Variants in ABI3BP observed in about 807,000 individuals in gnomAD.
ABI3BP encodes target of Nesh-SH3.
ABI3BP carries 216 observed loss-of-function variants against 268.6 expected under a neutral mutation model. The observed-to-expected ratio is 0.80, with a 90% confidence interval of 0.72 to 0.90. The LOEUF (loss-of-function observed/expected upper bound fraction) is 0.90, where lower values mean the gene tolerates loss of function less well. Ranked by LOEUF, ABI3BP falls within the 40% of genes least tolerant of loss-of-function variation. The pLI, the probability that ABI3BP is intolerant of heterozygous loss-of-function variation, is 0.00. For missense variants in ABI3BP, 2,090 were observed against 2,182.4 expected (o/e 0.96, Z 0.84); for synonymous variants, 730 against 730.0 (o/e 1.00, Z 0.00).
chr3:100,966,386 A>C (rs1243793251), intron 1 of ABI3BP, among the ~76,000 whole-genome samples: 1 of 152,234 alleles, frequency 6.6e-6, no homozygotes, highest in Non-Finnish European at 1.5e-5. Context: ...AAGGCAAACT[A>C]TGGCCCATGG....
rs751620235 is a variant in ABI3BP at position 100,875,480 on chromosome 3, CTCGGCA to C, written c.817+22_817+27del. 3 of 1,495,680 alleles carry C rather than the reference CTCGGCA, an allele frequency of 2.0e-6. No individual in the cohort carries two copies. The South Asian group carries it at 3.4e-5, about 17-fold the overall frequency. The allele number at this position is 1,495,680 out of a possible 1,614,324, so 92.7% of individuals were successfully genotyped here. A position where few individuals can be genotyped will look rare whatever the true frequency, so the allele number is the denominator to read the frequency against. On this transcript the variant is annotated intron_variant, in intron 8 of 67. Transcript: ENST00000471714. ...CAAAAGATAGCCCGATTTGCTTAAT[CTCGGCA>C]TAGATTTCGAGATCCACTCACCTAG...
intron 26 of ABI3BP, 165 bp from the exon 27 acceptor site, chr3:100,837,336 A>C: frequency 4.1e-6 from 2 of 482,082 alleles, no homozygotes; most frequent in South Asian, 1.0e-4. Flanking sequence ...GCTTCTTAGC[A>C]AATTAAAATT....
intron 2 of ABI3BP, among the ~76,000 whole-genome samples, chr3:100,918,321 T>TGTCCACCC (rs995738427): frequency 2.1e-5 from 3 of 145,642 alleles, no homozygotes; most frequent in Non-Finnish European, 4.5e-5. Context: ...CCCGTCCACC[T>TGTCCACCC]GTCCACCCGT....
At chr3:100,974,289 A>C (rs975608231) in intron 1 of ABI3BP, among the ~76,000 whole-genome samples, 17 of 152,352 alleles carry the variant, frequency 1.1e-4, no homozygotes, top group Admixed American at 8.5e-4. Context: ...GTGTGTTCAC[A>C]CAAAGACCTA....
rs10717203 is a variant in ABI3BP at position 100,914,174 on chromosome 3, GA to G, written c.260-11489del. ...CTCAGAAAAAGTATGTTTTCATGTG[GA>G]AAAAAAAAACTTTTCCTTCTTTGCC... On this transcript the variant is annotated intron_variant, in intron 2 of 67. Transcript: ENST00000471714. 7.0e-3 allele frequency among the ~76,000 whole-genome samples: 1,045 copies of G among 148,454 alleles called. 10 individuals are homozygous for G. Among genetic ancestry groups the G allele is most frequent in the African/African-American group, 0.024 (960 of 40,576 alleles).
intron 63 of ABI3BP, among the ~76,000 whole-genome samples, chr3:100,763,820 CAA>C (rs767267398): frequency 5.3e-5 from 8 of 152,166 alleles, no homozygotes; most frequent in Non-Finnish European, 1.0e-4. Flanking sequence ...AAGACATGAA[CAA>C]AAAGTTATTT....
chr3:100,868,626 A>G (rs1157015298), intron 9 of ABI3BP, among the ~76,000 whole-genome samples: 4 of 152,252 alleles, frequency 2.6e-5, no homozygotes, highest in African/African-American at 9.6e-5. Flanking sequence ...ATAAAGGCAT[A>G]CAACAGATTT....
intron 62 of ABI3BP, among the ~76,000 whole-genome samples, chr3:100,769,852 G>A (rs1456328856): frequency 6.6e-6 from 1 of 152,186 alleles, no homozygotes; most frequent in Admixed American, 6.5e-5. Context: ...GGTAAAGAAA[G>A]CTAGTTAAGA....
At chr3:100,753,228 T>C (rs1297133343) in intron 65 of ABI3BP, among the ~76,000 whole-genome samples, 2 of 152,184 alleles carry the variant, frequency 1.3e-5, no homozygotes, top group African/African-American at 4.8e-5. Flanking sequence ...GGTTTCTTTT[T>C]TGTAGCATGT....
rs373245696 is a variant in ABI3BP at position 100,876,542 on chromosome 3, T to C, written c.715A>G (p.Lys239Glu). The change falls in exon 7 of 68, where the codon AAA becomes GAA. Residue 239 changes from lysine to glutamate, a missense_variant. By Grantham distance (56) the Lys-to-Glu change is moderately conservative (BLOSUM62 1). Transcript: ENST00000471714. ...TTGATGATTGTTATTGGGATTAGTT[T>C]CCTTGGGACATATGCTGGCTGCAAA... The part of the protein sequence containing the change: ...DHTVPAYVPR[K>E]LIPITIIKQV... The C allele has an allele frequency of 7.4e-5, 119 of 1,613,572 alleles. No homozygotes were observed. Among genetic ancestry groups the C allele is most frequent in the Middle Eastern group, 1.6e-4 (1 of 6,076 alleles).
At chr3:100,920,005 C>T (rs2059767182) in intron 2 of ABI3BP, among the ~76,000 whole-genome samples, 1 of 152,278 alleles carries the variant, frequency 6.6e-6, no homozygotes, top group South Asian at 2.1e-4. Context: ...TATGCATCAG[C>T]TACTGTGCCA....
intron 51 of ABI3BP, among the ~76,000 whole-genome samples, chr3:100,803,938 C>T (rs544580519): frequency 4.6e-4 from 70 of 152,276 alleles, no homozygotes; most frequent in Non-Finnish European, 6.8e-4. Context: ...AGGCTTGCTT[C>T]CAAAATGCTA....
chr3:100,926,947 G>A (rs1192991885), intron 1 of ABI3BP, among the ~76,000 whole-genome samples: 1 of 152,136 alleles, frequency 6.6e-6, no homozygotes, highest in Non-Finnish European at 1.5e-5. Context: ...TTGTCTTAGG[G>A]ATAACTGACA....
intron 57 of ABI3BP, among the ~76,000 whole-genome samples, chr3:100,787,035 A>C (rs1000140739): frequency 6.6e-6 from 1 of 152,144 alleles, no homozygotes; most frequent in Non-Finnish European, 1.5e-5. Flanking sequence ...AGCAAACACA[A>C]GAGTTATACT....
chr3:100,855,444 C>G (rs977236565), intron 14 of ABI3BP, among the ~76,000 whole-genome samples: 1 of 152,140 alleles, frequency 6.6e-6, no homozygotes, highest in Non-Finnish European at 1.5e-5. Flanking sequence ...GACAAAAGAC[C>G]TCATTAATGG....
intron 63 of ABI3BP, among the ~76,000 whole-genome samples, chr3:100,756,728 C>CA (rs1261504426): frequency 6.7e-6 from 1 of 149,676 alleles, no homozygotes; most frequent in Non-Finnish European, 1.5e-5. Context: ...CAGTTACGTA[C>CA]ACTTAAGCTC....
At chr3:100,951,855 A>G (rs917313812) in intron 1 of ABI3BP, among the ~76,000 whole-genome samples, 2 of 151,950 alleles carry the variant, frequency 1.3e-5, no homozygotes, top group Non-Finnish European at 2.9e-5. Flanking sequence ...GGTGCAGGTC[A>G]TCTTGAGCCC....
At chr3:100,895,339 A>G (rs2047162173) in intron 4 of ABI3BP, among the ~76,000 whole-genome samples, 1 of 152,154 alleles carries the variant, frequency 6.6e-6, no homozygotes, top group African/African-American at 2.4e-5. Flanking sequence ...CCCTATGCAA[A>G]TAGGTACAGA....
chr3:100,953,151 G>A (rs529963810), intron 1 of ABI3BP, among the ~76,000 whole-genome samples: 1 of 152,226 alleles, frequency 6.6e-6, no homozygotes, highest in Admixed American at 6.5e-5. Context: ...TGTCTCCTGT[G>A]CCTACATAAT....
Sources: gnomAD v4.1 joint callset for allele counts (sites outside exome capture counted in the v4.1 genomes callset) on GRCh38, gnomAD v4.1.1 for gene constraint, MANE v1.5 for transcripts, NCBI Gene and HGNC (gene_info 2026-07-23, HGNC 2026-07-21) for gene names.